DUSP29: variants seen among roughly 807,000 people sequenced by gnomAD.
DUSP29 encodes dual specificity phosphatase 29.
Under a neutral mutation model 13.5 loss-of-function variants are expected in DUSP29, and 12 were observed. The ratio of observed to expected loss-of-function variants is 0.89; its 90% CI spans 0.57 to 1.44. The LOEUF is 1.44. Ranked by LOEUF, DUSP29 falls within the 40% of genes most tolerant of loss-of-function variation. DUSP29 has a pLI of 0.00. For missense variants in DUSP29, 308 were observed against 301.1 expected (o/e 1.02, Z -0.17); for synonymous variants, 134 against 128.7 (o/e 1.04, Z -0.28).
At chr10:75,044,443 T>G (rs1242399529) in intron 2 of DUSP29, among the ~76,000 whole-genome samples, 1 of 152,124 alleles carries the variant, frequency 6.6e-6, no homozygotes, top group Non-Finnish European at 1.5e-5. Flanking sequence ...GGTTTGGAGA[T>G]GGACGCTCAA....
At chr10:75,049,286 G>A (rs1382378974) in intron 2 of DUSP29, among the ~76,000 whole-genome samples, 2 of 152,178 alleles carry the variant, frequency 1.3e-5, no homozygotes, top group East Asian at 3.9e-4. Context: ...ACTTCTACTG[G>A]AAATCTCCTG....
At chr10:75,059,550 C>T (rs1015752902) in intron 1 of DUSP29, among the ~76,000 whole-genome samples, 1 of 152,154 alleles carries the variant, frequency 6.6e-6, no homozygotes, top group African/African-American at 2.4e-5. Flanking sequence ...ATCTTAACAA[C>T]ACTGAGATAG....
At chr10:75,069,737 A>G (rs1269048069) in intron 1 of DUSP29, among the ~76,000 whole-genome samples, 1 of 151,984 alleles carries the variant, frequency 6.6e-6, no homozygotes, top group Admixed American at 6.6e-5. Flanking sequence ...GTGATTATCT[A>G]CTCTCAAAAC....
intron 3 of DUSP29, 140 bp from the exon 4 acceptor site, chr10:75,038,217 G>C (rs1846506955): frequency 8.8e-7 from 1 of 1,136,642 alleles, no homozygotes; most frequent in African/African-American, 1.6e-5. Flanking sequence ...TGCCTCTGTA[G>C]AACGGGGACA....
chr10:75,045,362 T>C (rs1453335951), intron 2 of DUSP29, among the ~76,000 whole-genome samples: 1 of 144,282 alleles, frequency 6.9e-6, no homozygotes, highest in Non-Finnish European at 1.5e-5. Context: ...AGAGTGAAAC[T>C]GTCTCAAAAA....
chr10:75,056,526 G>T (rs1314423084), intron 2 of DUSP29, among the ~76,000 whole-genome samples: 1 of 151,720 alleles, frequency 6.6e-6, no homozygotes, highest in East Asian at 1.9e-4. Flanking sequence ...AATTAGCTGG[G>T]CGTGGTGGCG....
At chr10:75,047,359 C>T (rs928762456) in intron 2 of DUSP29, among the ~76,000 whole-genome samples, 12 of 152,170 alleles carry the variant, frequency 7.9e-5, no homozygotes, top group African/African-American at 2.9e-4. Flanking sequence ...TCACAGACAC[C>T]CATCGTCCAG....
intron 1 of DUSP29, among the ~76,000 whole-genome samples, chr10:75,072,160 C>T (rs1043644088): frequency 1.3e-5 from 2 of 152,308 alleles, no homozygotes; most frequent in South Asian, 2.1e-4. Flanking sequence ...GCAAGAAACC[C>T]CAGGATACAG....
At chr10:75,065,013 C>G (rs1270078907) in intron 1 of DUSP29, among the ~76,000 whole-genome samples, 1 of 152,094 alleles carries the variant, frequency 6.6e-6, no homozygotes, top group East Asian at 1.9e-4. Context: ...GCGATTTCTA[C>G]CCCATCTCAC....
rs548596806 is a variant in DUSP29 at position 75,073,625 on chromosome 10, A to G, written c.-91T>C. 9.6e-4 allele frequency among the ~76,000 whole-genome samples: 147 copies of G among 152,338 alleles called. No individual in the cohort carries two copies. The highest frequency in any genetic ancestry group is 3.4e-3 in the African/African-American group (143 of 41,588). ...GGTTCTGGTCCGTGGGGCATGTAGC[A>G]GCCGCACGCCCAGCCACCCCCACTG... On this transcript the variant is annotated 5_prime_UTR_variant, in exon 1 of 4. Transcript: ENST00000338487.
At chr10:75,070,115 AAGGAAGGAAGG>A (rs1847298642) in intron 1 of DUSP29, among the ~76,000 whole-genome samples, 1 of 128,626 alleles carries the variant, frequency 7.8e-6, no homozygotes, top group Non-Finnish European at 1.6e-5. Context: ...GGAAGGAAGG[AAGGAAGGAAGG>A]AAGGAAGGAA....
At position 75,043,762 on chromosome 10, in the gene DUSP29, C is replaced by T. The variant is rs540839896; in HGVS notation, c.421+35G>A. On this transcript the variant is annotated intron_variant, in intron 3 of 3. Coordinates refer to ENST00000338487, the MANE Select transcript of DUSP29 (RefSeq NM_001003892.3). ...CGGGGCGAGTCGGGGCGGGGCGGGG[C>T]GGGGCCGATCGGGGCGGGGCCGCGG... 4 of 1,237,180 alleles carry T rather than the reference C, an allele frequency of 3.2e-6. No individual in the cohort carries two copies. In the African/African-American group the frequency reaches 9.2e-5, roughly 29 times the overall value. The allele number at this position is 1,237,180 out of a possible 1,614,324, so 76.6% of individuals were successfully genotyped here.
intron 2 of DUSP29, among the ~76,000 whole-genome samples, chr10:75,048,396 T>C (rs1846748247): frequency 6.7e-6 from 1 of 149,924 alleles, no homozygotes; most frequent in Admixed American, 6.6e-5. Flanking sequence ...TACTTTTTTT[T>C]TCTTTTTTTT....
At chr10:75,072,027 C>T (rs1847340760) in intron 1 of DUSP29, among the ~76,000 whole-genome samples, 1 of 152,158 alleles carries the variant, frequency 6.6e-6, no homozygotes, top group South Asian at 2.1e-4. Flanking sequence ...GCTGAGTGGC[C>T]CAACTCCAGG....
intron 1 of DUSP29, among the ~76,000 whole-genome samples, chr10:75,063,406 A>G (rs11001272): frequency 0.48 from 72,607 of 151,530 alleles, 19,691 homozygotes; most frequent in East Asian, 0.79. Flanking sequence ...CCTACCTCAG[A>G]TGCCTGTTTT....
At chr10:75,063,211 T>C (rs1377262321) in intron 1 of DUSP29, among the ~76,000 whole-genome samples, 1 of 152,222 alleles carries the variant, frequency 6.6e-6, no homozygotes, top group Non-Finnish European at 1.5e-5. Context: ...CCAGATTTTC[T>C]GGTATTTTTA....
At chr10:75,069,704 G>A (rs1269474521) in intron 1 of DUSP29, among the ~76,000 whole-genome samples, 2 of 152,160 alleles carry the variant, frequency 1.3e-5, no homozygotes, top group Admixed American at 6.5e-5. Flanking sequence ...GGAAATGATT[G>A]TGTTGCTTTT....
chr10:75,051,974 G>T (rs901971288), intron 2 of DUSP29, among the ~76,000 whole-genome samples: 1 of 152,214 alleles, frequency 6.6e-6, no homozygotes, highest in Non-Finnish European at 1.5e-5. Context: ...CTGACTTGAG[G>T]CTCCCTCCCT....
intron 1 of DUSP29, among the ~76,000 whole-genome samples, chr10:75,070,793 C>T (rs754859614): frequency 2.6e-5 from 4 of 152,184 alleles, no homozygotes; most frequent in Admixed American, 2.0e-4. Context: ...AAAGGACTCT[C>T]CCCAGCTAGT....
Sources: allele counts gnomAD v4.1 joint callset (sites outside exome capture counted in the v4.1 genomes callset), GRCh38; gene constraint gnomAD v4.1.1; transcripts MANE v1.5; gene names NCBI Gene and HGNC (gene_info 2026-07-23, HGNC 2026-07-21).